DDX20: variants seen among roughly 807,000 people sequenced by gnomAD.
The protein encoded by DDX20 is DEAD-box helicase 20.
DDX20 carries 61 observed loss-of-function variants against 76.4 expected under a neutral mutation model. The observed-to-expected ratio is 0.80, with a 90% CI of 0.65 to 0.99. The LOEUF (loss-of-function observed/expected upper bound fraction) is 0.99, where lower values mean the gene tolerates loss of function less well. Ranked by LOEUF, DDX20 falls within the 50% of genes least tolerant of loss-of-function variation. DDX20 has a pLI of 0.00. For synonymous variants in DDX20, 357 were observed against 357.4 expected, an observed-to-expected ratio of 1.00 and a Z score of 0.01; for missense variants, 976 against 996.8, an observed-to-expected ratio of 0.98 and a Z score of 0.28.
At chr1:111,762,486 C>T (rs961680959) in intron 8 of DDX20, 149 bp downstream of exon 8, 3 of 843,348 alleles carry the variant, frequency 3.6e-6, no homozygotes, top group Admixed American at 5.9e-5. Context: ...AAAATACTTT[C>T]TTAAAAATGT....
chr1:111,766,629 G>T lies in DDX20; in HGVS notation c.2205G>T (p.Arg735=). ...EGASQRAKQS[R]RNLPRRSSFR... is the part of the protein sequence containing the mutation. ...CTAGCCAGAGAGCTAAGCAGAGCCG[G>T]AGAAACCTACCCAGGCGGTCTTCCT... Residue 735 remains arginine (R), a synonymous_variant, in exon 11 of 11, where the codon CGG becomes CGT. Transcript: ENST00000369702. 6.2e-7 allele frequency: 1 copy of T among 1,614,190 alleles called. No homozygotes were observed. Among genetic ancestry groups the T allele is most frequent in the South Asian group, 1.1e-5 (1 of 91,080 alleles).
chr1:111,756,983 A>G (rs1663571806), intron 2 of DDX20, among the ~76,000 whole-genome samples: 1 of 152,190 alleles, frequency 6.6e-6, no homozygotes, highest in African/African-American at 2.4e-5. Flanking sequence ...CTTACTGACT[A>G]GATTAATGTG....
In DDX20 at chr1:111,767,316, A is replaced by G. The variant is rs189035614; in HGVS notation, c.*417A>G. 92 of 155,640 alleles carry G rather than the reference A, an allele frequency of 5.9e-4. No homozygotes were observed. Among genetic ancestry groups the G allele is most frequent in the South Asian group, 4.3e-3 (22 of 5,074 alleles). 9.6% of individuals were successfully genotyped at this position (155,640 alleles called of 1,614,324 possible). A position where few individuals can be genotyped will look rare whatever the true frequency, so the allele number is the denominator to read the frequency against. ...GGGCTTAGGCTGCATTTCCTTCTAT[A>G]GAGGTGCATTCTTGTAGAAATTTGT... On this transcript the variant is annotated 3_prime_UTR_variant, in exon 11 of 11. Coordinates refer to ENST00000369702, the MANE Select transcript of DDX20 (RefSeq NM_007204.5).
At chr1:111,765,631 G>A (rs752302164) in intron 10 of DDX20, 106 bp from the exon 11 acceptor site, 7 of 958,968 alleles carry the variant, frequency 7.3e-6, no homozygotes, top group Non-Finnish European at 1.1e-5. Flanking sequence ...TTTGCATATT[G>A]TTTCTTAAAT....
chr1:111,765,760 G>T lies in DDX20; in HGVS notation c.1336G>T (p.Glu446Ter). ...LPDPIPSGLMEECVDWDVEVK... is the reference protein window; with the variant it reads ...LPDPIPSGLM ...AGATCCCATTCCTTCTGGTCTGATG[G>T]AAGAATGTGTGGATTGGGATGTGGA... is the stretch of plus-strand genomic sequence containing the variant. The change falls in exon 11 of 11, where the codon GAA (glutamate) becomes TAA (stop). Residue 446 changes from glutamate to a stop codon, truncating the protein, a stop_gained. Transcript: ENST00000369702. LOFTEE classifies it high-confidence loss of function. 1 of 1,601,794 alleles carries T rather than the reference G, an allele frequency of 6.2e-7. No homozygotes were observed. The highest frequency in any genetic ancestry group is 8.5e-7 in the Non-Finnish European group (1 of 1,176,028).
In DDX20 at chr1:111,761,010, G is replaced by A; in HGVS notation, c.847G>A (p.Val283Ile). 2 of 1,613,836 alleles carry A rather than the reference G, an allele frequency of 1.2e-6. No homozygotes were observed. The highest frequency in any genetic ancestry group is 1.7e-6 in the Non-Finnish European group (2 of 1,179,898). The change falls in exon 6 of 11, where the codon GTC becomes ATC. Residue 283 changes from valine (V) to isoleucine (I), a missense_variant. Val to Ile is a conservative substitution (Grantham distance 29, BLOSUM62 3). Around this residue, in one of 3 missense-constraint regions of DDX20, gnomAD observed 630 missense variants for 693.7 expected, o/e 0.91. Transcript: ENST00000369702. ...LIGLKQYYKV[V>I]NSYPLAHKVF... is the part of the protein sequence containing the mutation. Reference sequence around the variant, plus strand: ...AGGTTTGAAGCAGTATTACAAAGTTGTCAATTCATACCCTTTGGCACATAA... The same window carrying A: ...AGGTTTGAAGCAGTATTACAAAGTTATCAATTCATACCCTTTGGCACATAA...
chr1:111,761,228 CACA>C lies in DDX20; in HGVS notation c.969_971del (p.Gln323del). The C allele has an allele frequency of 1.2e-6, 2 of 1,613,146 alleles. No homozygotes were observed. The highest frequency in any genetic ancestry group is 1.7e-6 in the Non-Finnish European group (2 of 1,179,504). On this transcript the variant is annotated inframe_deletion, in exon 7 of 11. Coordinates refer to ENST00000369702, the MANE Select transcript of DDX20 (RefSeq NM_007204.5). ...ACCATTTATGTTATATTTCATAGAG[CACA>C]ACATTTGGCTGATATCCTTTCTTCT...
intron 10 of DDX20, among the ~76,000 whole-genome samples, chr1:111,763,916 T>C (rs1000067426): frequency 5.9e-5 from 9 of 152,190 alleles, no homozygotes; most frequent in African/African-American, 2.2e-4. Flanking sequence ...AGTGGAAATA[T>C]GGCATTTTTG....
rs1008938029 is a variant in DDX20, at chr1:111,767,799, G to A, written c.*900G>A. 3.3e-5 allele frequency: 5 copies of A among 152,134 alleles called. No individual in the cohort carries two copies. Among genetic ancestry groups the A allele is most frequent in the African/African-American group, 1.2e-4 (5 of 41,424 alleles). 9.4% of individuals were successfully genotyped at this position (152,134 alleles called of 1,614,324 possible). On this transcript the variant is annotated 3_prime_UTR_variant, in exon 11 of 11. Coordinates refer to ENST00000369702, the MANE Select transcript of DDX20 (RefSeq NM_007204.5). Reference sequence around the variant, plus strand: ...GTGACCTGCTCTGCTGGTAGGCTAGGGGAAGTTCTAGCTCTTAGTTTTAAG... The same window carrying A: ...GTGACCTGCTCTGCTGGTAGGCTAGAGGAAGTTCTAGCTCTTAGTTTTAAG...
intron 7 of DDX20, chr1:111,761,762 G>C (rs887211288): frequency 3.9e-5 from 6 of 154,788 alleles, no homozygotes; most frequent in African/African-American, 1.4e-4. Context: ...AGAGTCGAAG[G>C]ATTTTTTGAT....
At chr1:111,763,048 G>A (rs902127191) in intron 10 of DDX20, 41 bp downstream of exon 10, 3 of 1,456,500 alleles carry the variant, frequency 2.1e-6, no homozygotes, top group African/African-American at 2.8e-5. Context: ...TAATTATAGT[G>A]GTGATAAGCA....
At chr1:111,764,281 CAA>C (rs150494967) in intron 10 of DDX20, among the ~76,000 whole-genome samples, 28,453 of 127,378 alleles carry the variant, frequency 0.22, 3,644 homozygotes, top group African/African-American at 0.42. Context: ...GACTCAGTCT[CAA>C]AAAAAAAAAA....
chr1:111,755,958 G>A lies in DDX20; in HGVS notation c.34G>A (p.Ala12Thr), dbSNP rs1159003047. The change falls in exon 1 of 11, where the codon GCA becomes ACA. Residue 12 changes from alanine (A) to threonine (T), a missense_variant. Ala to Thr is a moderately conservative substitution (Grantham distance 58). Transcript: ENST00000369702. ...GGCATTTGAAGCCTCGGGAGCCTTAGCAGCAGTGGCGACTGCTATGCCGGC... is the reference window on the plus strand; with the variant it reads ...GGCATTTGAAGCCTCGGGAGCCTTAACAGCAGTGGCGACTGCTATGCCGGC... Reference protein sequence around the residue: ...AAAFEASGALAAVATAMPAEH... With the variant: ...AAAFEASGALTAVATAMPAEH... 13 of 1,590,896 alleles carry A rather than the reference G, an allele frequency of 8.2e-6. No individual in the cohort carries two copies.
chr1:111,756,055 A>G lies in DDX20; in HGVS notation c.131A>G (p.Gln44Arg). The part of the protein sequence containing the change: ...PGPVRILRTA[Q>R]DLSSPRTRTG... ...CCTGTGAGGATCCTGCGGACCGCTC[A>G]GGATCTCAGCAGCCCGCGGACCCGC... Residue 44 changes from glutamine (Q) to arginine (R), a missense_variant, in exon 1 of 11, where the codon CAG (glutamine) becomes CGG (arginine). This residue lies in a region of DDX20 where 343 missense variants were observed against 286.4 expected (regional missense o/e 1.20). Coordinates refer to ENST00000369702, the MANE Select transcript of DDX20 (RefSeq NM_007204.5). 2.5e-6 allele frequency: 4 copies of G among 1,609,348 alleles called. No individual in the cohort carries two copies. Among genetic ancestry groups the G allele is most frequent in the African/African-American group, 1.3e-5 (1 of 74,988 alleles).
At position 111,766,966 on chromosome 1, in the gene DDX20, C is replaced by G; in HGVS notation, c.*67C>G. ...GATACCTTTGGATATCCATCCTCCTCGACTTATAGTACAGTGGTGTATAGT... is the reference window on the plus strand; with the variant it reads ...GATACCTTTGGATATCCATCCTCCTGGACTTATAGTACAGTGGTGTATAGT... On this transcript the variant is annotated 3_prime_UTR_variant, in exon 11 of 11. Transcript: ENST00000369702. 7.7e-7 allele frequency: 1 copy of G among 1,295,148 alleles called. No homozygotes were observed. 80.2% of individuals were successfully genotyped at this position (1,295,148 alleles called of 1,614,324 possible).
chr1:111,757,339 C>T (rs1167629300), intron 2 of DDX20, among the ~76,000 whole-genome samples: 1 of 152,186 alleles, frequency 6.6e-6, no homozygotes, highest in Non-Finnish European at 1.5e-5. Flanking sequence ...GCATGAGCCA[C>T]CACAGCCGGT....
intron 10 of DDX20, among the ~76,000 whole-genome samples, chr1:111,763,640 A>G (rs1663719936): frequency 6.6e-6 from 1 of 152,004 alleles, no homozygotes; most frequent in Non-Finnish European, 1.5e-5. Flanking sequence ...TGGCTTTGCA[A>G]TTTGATTTTA....
chr1:111,766,266 G>A lies in DDX20; in HGVS notation c.1842G>A (p.Arg614=), dbSNP rs767631818. 6.2e-7 allele frequency: 1 copy of A among 1,614,088 alleles called. No individual in the cohort carries two copies. Among genetic ancestry groups the A allele is most frequent in the Admixed American group, 1.7e-5 (1 of 60,022 alleles). The change falls in exon 11 of 11, where the codon AGG becomes AGA. Residue 614 remains arginine (R), a synonymous_variant. Coordinates refer to ENST00000369702, the MANE Select transcript of DDX20 (RefSeq NM_007204.5). ...TAGAGAAACCTGTGGAAATCATCAG[G>A]CACTACACAGGCCCTGGGGATCAGA... is the stretch of plus-strand genomic sequence containing the variant. The part of the protein sequence containing the change: ...EGLEKPVEII[R]HYTGPGDQTV...
chr1:111,757,210 C>G (rs1267768503), intron 2 of DDX20, among the ~76,000 whole-genome samples: 2 of 152,064 alleles, frequency 1.3e-5, no homozygotes, highest in East Asian at 3.9e-4. Flanking sequence ...TGCCACCACA[C>G]CTGGCTAGTT....
Sources: allele counts gnomAD v4.1 joint callset (sites outside exome capture counted in the v4.1 genomes callset), GRCh38; gene constraint gnomAD v4.1.1; regional missense constraint gnomAD v4.1.1; transcripts MANE v1.5; gene names NCBI Gene and HGNC (gene_info 2026-07-23, HGNC 2026-07-21).